XKR4: variants seen among roughly 807,000 people sequenced by gnomAD.
XKR4 encodes XK related 4.
XKR4 carries 12 observed loss-of-function variants against 53.9 expected under a neutral mutation model. The observed-to-expected ratio is 0.22, with a 90% CI of 0.14 to 0.36. XKR4 has a LOEUF of 0.36. Ranked by LOEUF, XKR4 falls within the 10% of genes least tolerant of loss-of-function variation. The probability of loss-of-function intolerance (pLI) is 1.00; values close to 1 mark genes in which losing one functional copy is unlikely to be tolerated. For synonymous variants in XKR4, 354 were observed against 362.4 expected (o/e 0.98, Z 0.26); for missense variants, 799 against 859.5 (o/e 0.93, Z 0.88).
rs532018600 is a variant in XKR4 at position 55,362,997 on chromosome 8, C to T, written c.1006+5120C>T. Among the ~76,000 whole-genome samples the T allele has an allele frequency of 3.3e-5, 5 of 152,320 alleles. No individual in the cohort carries two copies. In the South Asian group the frequency reaches 1.0e-3, roughly 32 times the overall value. On this transcript the variant is annotated intron_variant, in intron 2 of 2. Coordinates refer to ENST00000327381, the MANE Select transcript of XKR4 (RefSeq NM_052898.2). ...CTGGCTGCACAGGGGAAACATTGTGCGGAAATAATGCTTCCTTGTAGAGGA... is the reference window on the plus strand; with the variant it reads ...CTGGCTGCACAGGGGAAACATTGTGTGGAAATAATGCTTCCTTGTAGAGGA...
intron 2 of XKR4, chr8:55,454,829 G>A (rs1805533094): frequency 1.0e-5 from 8 of 763,628 alleles, no homozygotes; most frequent in Middle Eastern, 2.3e-4. Flanking sequence ...GGTGCGTAAG[G>A]CCTCCCTCAT....
intron 1 of XKR4, among the ~76,000 whole-genome samples, chr8:55,117,764 A>C (rs1816331088): frequency 6.6e-6 from 1 of 152,190 alleles, no homozygotes; most frequent in South Asian, 2.1e-4. Flanking sequence ...AGGTTAATCC[A>C]AGACTCACCT....
chr8:55,452,144 C>T, intron 2 of XKR4: 1 of 706,428 alleles, frequency 1.4e-6, no homozygotes, highest in South Asian at 1.7e-5. Context: ...GTGTGTACCG[C>T]AGCTTATGCA....
At chr8:55,314,348 C>G (rs1819428527) in intron 1 of XKR4, among the ~76,000 whole-genome samples, 1 of 152,136 alleles carries the variant, frequency 6.6e-6, no homozygotes, top group Non-Finnish European at 1.5e-5. Flanking sequence ...CCCCAGGAGA[C>G]CTGGTAGTCA....
At chr8:55,452,458 C>T (rs959769458) in intron 2 of XKR4, 1 of 631,698 alleles carries the variant, frequency 1.6e-6, no homozygotes, top group Non-Finnish European at 2.9e-6. Flanking sequence ...CTCGCACCCT[C>T]CTCACGCCCA....
intron 1 of XKR4, among the ~76,000 whole-genome samples, chr8:55,207,752 G>A (rs1344136176): frequency 6.6e-6 from 1 of 152,220 alleles, no homozygotes; most frequent in African/African-American, 2.4e-5. Flanking sequence ...GGAAGAAAAA[G>A]AGGAATACAG....
chr8:55,512,966 C>T (rs1806651749), intron 2 of XKR4, among the ~76,000 whole-genome samples: 1 of 152,180 alleles, frequency 6.6e-6, no homozygotes. Context: ...ATTGGTGCCA[C>T]CTTGTGTGAT....
rs942332124 is a variant in XKR4, at chr8:55,533,181, A to T, written c.*8954A>T. Reference sequence around the variant, plus strand: ...AACGCATCTTAACACCAGCATTGCCATTGTGAGTCTAGAAAATGAGCACTT... The same window carrying T: ...AACGCATCTTAACACCAGCATTGCCTTTGTGAGTCTAGAAAATGAGCACTT... On this transcript the variant is annotated 3_prime_UTR_variant, in exon 3 of 3. Coordinates refer to ENST00000327381, the MANE Select transcript of XKR4 (RefSeq NM_052898.2). 1.3e-5 allele frequency: 2 copies of T among 152,326 alleles called. No individual in the cohort carries two copies. Among genetic ancestry groups the T allele is most frequent in the South Asian group, 2.1e-4 (1 of 4,830 alleles). The allele number at this position is 152,326 out of a possible 1,614,324, so 9.4% of individuals were successfully genotyped here.
chr8:55,412,084 C>T (rs1399864489), intron 2 of XKR4, among the ~76,000 whole-genome samples: 1 of 152,096 alleles, frequency 6.6e-6, no homozygotes, highest in African/African-American at 2.4e-5. Flanking sequence ...CTGTGGCTGG[C>T]AGCAGGAAAG....
intron 1 of XKR4, chr8:55,161,612 AG>A (rs775627960): frequency 6.8e-5 from 31 of 456,352 alleles, no homozygotes; most frequent in South Asian, 4.6e-4. Flanking sequence ...GACGAATAGT[AG>A]TACCAACTTC....
chr8:55,454,856 C>G, intron 2 of XKR4: 1 of 764,792 alleles, frequency 1.3e-6, no homozygotes, highest in Non-Finnish European at 2.4e-6. Context: ...CTTCCTCCCA[C>G]TCAGTGGCAT....
intron 2 of XKR4, among the ~76,000 whole-genome samples, chr8:55,492,128 T>C (rs57043031): frequency 0.056 from 8,593 of 152,228 alleles, 626 homozygotes; most frequent in East Asian, 0.27. Context: ...CCAGGGCAAT[T>C]GCTGGTCTCA....
At chr8:55,308,378 G>A (rs1819338050) in intron 1 of XKR4, among the ~76,000 whole-genome samples, 1 of 152,234 alleles carries the variant, frequency 6.6e-6, no homozygotes, top group Admixed American at 6.5e-5. Flanking sequence ...TTACAATCAT[G>A]GTGGAAGGCA....
intron 2 of XKR4, among the ~76,000 whole-genome samples, chr8:55,494,362 C>T (rs951499033): frequency 1.3e-5 from 2 of 152,232 alleles, no homozygotes; most frequent in Non-Finnish European, 2.9e-5. Flanking sequence ...CCCCAAAGAG[C>T]CACAGCTCTC....
At chr8:55,232,290 A>AT (rs1218059550) in intron 1 of XKR4, among the ~76,000 whole-genome samples, 3 of 152,228 alleles carry the variant, frequency 2.0e-5, no homozygotes, top group African/African-American at 7.2e-5. Flanking sequence ...GGAAGAGGCC[A>AT]TTAGCTGGGT....
intron 2 of XKR4, among the ~76,000 whole-genome samples, chr8:55,492,260 C>A (rs1036296224): frequency 6.6e-6 from 1 of 152,056 alleles, no homozygotes; most frequent in Admixed American, 6.5e-5. Context: ...AAATTCAGAA[C>A]CGGATAATTT....
intron 1 of XKR4, among the ~76,000 whole-genome samples, chr8:55,127,930 A>G (rs1585893026): frequency 6.6e-6 from 1 of 152,080 alleles, no homozygotes. Context: ...TTATGGCTGC[A>G]TAGTATTCCA....
At chr8:55,509,745 G>A (rs765579378) in intron 2 of XKR4, among the ~76,000 whole-genome samples, 9 of 152,276 alleles carry the variant, frequency 5.9e-5, no homozygotes, top group Middle Eastern at 3.4e-3. Flanking sequence ...TCTAAAGGCT[G>A]CCAAAGTGCC....
In XKR4 at chr8:55,523,781, G is replaced by C; in HGVS notation, c.1507G>C (p.Val503Leu). 1.2e-6 allele frequency: 2 copies of C among 1,614,158 alleles called. No homozygotes were observed. Among genetic ancestry groups the C allele is most frequent in the Non-Finnish European group, 1.7e-6 (2 of 1,180,024 alleles). Reference sequence around the variant, plus strand: ...GGTGTTCAGCAGCTTTTTAACTGGCGTTGTTTTTATGCTGATGTATTATGC... The same window carrying C: ...GGTGTTCAGCAGCTTTTTAACTGGCCTTGTTTTTATGCTGATGTATTATGC... ...CVVFSSFLTG[V>L]VFMLMYYAFF... Residue 503 changes from valine (V) to leucine (L), a missense_variant, in exon 3 of 3, where the codon GTT (valine) becomes CTT (leucine). Physicochemically the swap from Val to Leu is conservative, Grantham distance 32. Coordinates refer to ENST00000327381, the MANE Select transcript of XKR4 (RefSeq NM_052898.2).
Sources: gnomAD v4.1 joint callset for allele counts (sites outside exome capture counted in the v4.1 genomes callset) on GRCh38, gnomAD v4.1.1 for gene constraint, MANE v1.5 for transcripts, NCBI Gene and HGNC (gene_info 2026-07-23, HGNC 2026-07-21) for gene names.